Variants in FYCO1 observed in about 807,000 individuals in gnomAD.
FYCO1 encodes the protein FYVE and coiled-coil domain autophagy adaptor 1, also known as FYVE and coiled-coil domain-containing protein 1.
FYCO1 carries 122 observed loss-of-function variants against 165.1 expected under a neutral mutation model. That is an observed-to-expected ratio of 0.74 (90% confidence interval 0.64 to 0.86). The LOEUF is 0.86. Ranked by LOEUF, FYCO1 falls within the 40% of genes least tolerant of loss-of-function variation. The pLI is 0.00. For missense variants in FYCO1, 1,702 were observed against 1,810.3 expected (o/e 0.94, Z 1.09); for synonymous variants, 648 against 742.5 (o/e 0.87, Z 2.07).
chr3:45,934,958 G>A (rs901748672), intron 15 of FYCO1, among the ~76,000 whole-genome samples: 3 of 152,186 alleles, frequency 2.0e-5, no homozygotes, highest in Admixed American at 2.0e-4. Flanking sequence ...GGGTGGCCCT[G>A]ACACTTCATA....
chr3:45,924,594 C>A (rs1703232546), intron 16 of FYCO1, among the ~76,000 whole-genome samples: 1 of 152,078 alleles, frequency 6.6e-6, no homozygotes, highest in Non-Finnish European at 1.5e-5. Context: ...GGAGATAAGG[C>A]AGAGCCAGTC....
Position 45,967,180 on chromosome 3 carries a change from C to T in FYCO1, c.2154G>A (p.Gln718=). The change falls in exon 8 of 18, where the codon CAG becomes CAA. Residue 718 remains glutamine (Q), a synonymous_variant. Coordinates refer to ENST00000296137, the MANE Select transcript of FYCO1 (RefSeq NM_024513.4). ...ECQQLREEVE[Q]CQQLAEARHR... is the part of the protein sequence containing the mutation. Reference sequence around the variant, plus strand: ...GCCGGGCTTCTGCCAGTTGCTGGCACTGCTCCACCTCCTCCCGCAGCTGCT... The same window carrying T: ...GCCGGGCTTCTGCCAGTTGCTGGCATTGCTCCACCTCCTCCCGCAGCTGCT... 1 of 1,613,760 alleles carries T rather than the reference C, an allele frequency of 6.2e-7. No individual in the cohort carries two copies. The highest frequency in any genetic ancestry group is 8.5e-7 in the Non-Finnish European group (1 of 1,179,786).
At position 45,965,075 on chromosome 3, in the gene FYCO1, G is replaced by T; in HGVS notation, c.3108C>A (p.Gly1036=). ...CTTCCTCAGCAGCCTGCAGCTGCCG[G>T]CCTTGCTCCTCAAGCTGGCCCCTGA... ...KSLRGQLEEQ[G]RQLQAAEEAV... is the part of the protein sequence containing the mutation. The change falls in exon 9 of 18, where the codon GGC becomes GGA. Residue 1036 remains glycine, a synonymous_variant. Coordinates refer to ENST00000296137, the MANE Select transcript of FYCO1 (RefSeq NM_024513.4). The T allele has an allele frequency of 6.2e-7, 1 of 1,614,116 alleles. No individual in the cohort carries two copies. Among genetic ancestry groups the T allele is most frequent in the Non-Finnish European group, 8.5e-7 (1 of 1,180,014 alleles).
At chr3:45,948,188 T>C (rs1575349799) in intron 14 of FYCO1, 1 of 167,306 alleles carries the variant, frequency 6.0e-6, no homozygotes, top group East Asian at 1.9e-4. Context: ...GCAGCATTTC[T>C]GAAGTGGACT....
intron 14 of FYCO1, chr3:45,947,521 G>A (rs1271658746): frequency 3.1e-6 from 5 of 1,605,640 alleles, no homozygotes; most frequent in African/African-American, 1.3e-5. Context: ...GCCTTGCCAG[G>A]GTTTCGAGAA....
Position 45,981,667 on chromosome 3 carries a change from G to A in FYCO1, c.65C>T (p.Thr22Ile). 2 of 1,609,858 alleles carry A rather than the reference G, an allele frequency of 1.2e-6. No homozygotes were observed. The highest frequency in any genetic ancestry group is 1.7e-6 in the Non-Finnish European group (2 of 1,176,128). Residue 22 changes from threonine to isoleucine, a missense_variant, in exon 3 of 18, where the codon ACA (threonine) becomes ATA (isoleucine). Thr to Ile is a moderately conservative substitution (Grantham distance 89). Transcript: ENST00000296137. Reference sequence around the variant, plus strand: ...TTCCTGAAATTCTTTGCTTAGTTCTGTCACAGCATCTTTAAGACAACAAAT... The same window carrying A: ...TTCCTGAAATTCTTTGCTTAGTTCTATCACAGCATCTTTAAGACAACAAAT... ...RIIRDLQDAV[T>I]ELSKEFQEAG...
intron 14 of FYCO1, among the ~76,000 whole-genome samples, chr3:45,942,704 A>C (rs898624563): frequency 1.3e-5 from 2 of 152,194 alleles, no homozygotes; most frequent in South Asian, 2.1e-4. Context: ...TAGATCATGG[A>C]GACTGACAAC....
In FYCO1 at chr3:45,975,291, G is replaced by T. The variant is rs1313860641; in HGVS notation, c.343C>A (p.Gln115Lys). 2.5e-6 allele frequency: 4 copies of T among 1,614,094 alleles called. No individual in the cohort carries two copies. Among genetic ancestry groups the T allele is most frequent in the Non-Finnish European group, 1.7e-6 (2 of 1,179,960 alleles). Residue 115 changes from glutamine (Q) to lysine (K), a missense_variant, in exon 5 of 18, where the codon CAG becomes AAG. Gln to Lys is a moderately conservative substitution (Grantham distance 53). Coordinates refer to ENST00000296137, the MANE Select transcript of FYCO1 (RefSeq NM_024513.4). ...TGCTGTAAGGTGTCTGCCAACCTCT[G>T]GTGCACCAAGGAGTAGCGAATAAAT... is the stretch of plus-strand genomic sequence containing the variant. ...RAFIRYSLVH[Q>K]RLADTLQQCF...
At position 45,975,226 on chromosome 3, in the gene FYCO1, G is replaced by A. The variant is rs767583904; in HGVS notation, c.395+13C>T. The A allele has an allele frequency of 1.3e-6, 2 of 1,565,928 alleles. No individual in the cohort carries two copies. Among genetic ancestry groups the A allele is most frequent in the Non-Finnish European group, 8.8e-7 (1 of 1,135,928 alleles). On this transcript the variant is annotated intron_variant, in intron 5 of 17. Coordinates refer to ENST00000296137, the MANE Select transcript of FYCO1 (RefSeq NM_024513.4). Reference sequence around the variant, plus strand: ...CGGGATGATCCCAAACCCCAGCCCTGTCCTGTATTTACCTGGTCACTTTGG... The same window carrying A: ...CGGGATGATCCCAAACCCCAGCCCTATCCTGTATTTACCTGGTCACTTTGG...
chr3:45,959,158 CT>C (rs1490161963), intron 12 of FYCO1, among the ~76,000 whole-genome samples: 1 of 152,206 alleles, frequency 6.6e-6, no homozygotes, highest in Non-Finnish European at 1.5e-5. Context: ...GCGGGGCCCC[CT>C]AACTCCATCC....
intron 1 of FYCO1, among the ~76,000 whole-genome samples, chr3:45,987,566 G>A (rs7619090): frequency 5.7e-3 from 869 of 152,292 alleles, no homozygotes; most frequent in African/African-American, 0.02. Context: ...CAAGAGTAAA[G>A]GCTGTTTCTC....
intron 15 of FYCO1, among the ~76,000 whole-genome samples, chr3:45,933,933 A>G (rs1023753237): frequency 6.6e-6 from 1 of 152,236 alleles, no homozygotes; most frequent in African/African-American, 2.4e-5. Context: ...CCAAAGAAAC[A>G]GAAGATATAA....
chr3:45,920,305 G>C lies in FYCO1; in HGVS notation c.*1460C>G, dbSNP rs1703046567. 1 of 152,174 alleles carries C rather than the reference G, an allele frequency of 6.6e-6. No homozygotes were observed. Among genetic ancestry groups the C allele is most frequent in the African/African-American group, 2.4e-5 (1 of 41,418 alleles). 9.4% of individuals were successfully genotyped at this position (152,174 alleles called of 1,614,324 possible). A position where few individuals can be genotyped will look rare whatever the true frequency, so the allele number is the denominator to read the frequency against. On this transcript the variant is annotated 3_prime_UTR_variant, in exon 18 of 18. Transcript: ENST00000296137. ...CAGGGTTATGACAAAGAGAAACTTT[G>C]GGAAATGTGTGACTGGACTTAGGTC...
At chr3:45,931,698 T>A (rs975272203) in intron 15 of FYCO1, among the ~76,000 whole-genome samples, 2 of 152,170 alleles carry the variant, frequency 1.3e-5, no homozygotes, top group Non-Finnish European at 2.9e-5. Flanking sequence ...CTGCCATTTC[T>A]CCTTCCAGTT....
intron 14 of FYCO1, among the ~76,000 whole-genome samples, chr3:45,941,611 G>C (rs1300191056): frequency 6.6e-6 from 1 of 152,214 alleles, no homozygotes; most frequent in African/African-American, 2.4e-5. Context: ...AAAGTCTTTT[G>C]TACTATAGAG....
intron 14 of FYCO1, among the ~76,000 whole-genome samples, chr3:45,948,706 C>A (rs1704798266): frequency 6.6e-6 from 1 of 152,150 alleles, no homozygotes; most frequent in African/African-American, 2.4e-5. Context: ...TACGGAGAAC[C>A]AACTGACAAC....
At chr3:45,954,141 G>A (rs1182288385) in intron 14 of FYCO1, among the ~76,000 whole-genome samples, 3 of 152,158 alleles carry the variant, frequency 2.0e-5, no homozygotes, top group Non-Finnish European at 4.4e-5. Flanking sequence ...TGGCCCATAG[G>A]CCGCATGCAG....
rs536873566 is a variant in FYCO1 at position 45,966,418 on chromosome 3, G to A, written c.2916C>T (p.Ala972=). The A allele has an allele frequency of 6.8e-6, 11 of 1,613,204 alleles. No homozygotes were observed. The highest frequency in any genetic ancestry group is 6.7e-5 in the African/African-American group (5 of 75,040). The change falls in exon 8 of 18, where the codon GCC becomes GCT. Residue 972 remains alanine, a synonymous_variant. Coordinates refer to ENST00000296137, the MANE Select transcript of FYCO1 (RefSeq NM_024513.4). ...GGGCCTGCAGGCCAGGCAGTGAGCCGGCTGCTGCCTTGGCCGCCTTCAGCT... is the reference window on the plus strand; with the variant it reads ...GGGCCTGCAGGCCAGGCAGTGAGCCAGCTGCTGCCTTGGCCGCCTTCAGCT... ...QEKLKAAKAA[A]GSLPGLQAQL... is the part of the protein sequence containing the mutation.
At chr3:45,958,921 A>G (rs1705527292) in intron 12 of FYCO1, among the ~76,000 whole-genome samples, 1 of 152,212 alleles carries the variant, frequency 6.6e-6, no homozygotes, top group Admixed American at 6.5e-5. Flanking sequence ...TAAGGCTCTA[A>G]GAGACCACAG....
Sources: gnomAD v4.1 joint callset for allele counts (sites outside exome capture counted in the v4.1 genomes callset) on GRCh38, gnomAD v4.1.1 for gene constraint, MANE v1.5 for transcripts, NCBI Gene and HGNC (gene_info 2026-07-23, HGNC 2026-07-21) for gene names.